PTPN1: variants seen among roughly 807,000 people sequenced by gnomAD.
PTPN1 encodes tyrosine-protein phosphatase non-receptor type 1.
PTPN1 carries 12 observed loss-of-function variants against 59.9 expected under a neutral mutation model. The ratio of observed to expected loss-of-function variants is 0.20; its 90% CI spans 0.13 to 0.32. The LOEUF (loss-of-function observed/expected upper bound fraction) is 0.32. Among genes scored for constraint, PTPN1 ranks in the 10% least tolerant of loss-of-function variants. PTPN1 has a pLI of 1.00. For synonymous variants in PTPN1, 178 were observed against 203.6 expected, an observed-to-expected ratio of 0.87 and a Z score of 1.07; for missense variants, 356 against 549.2, an observed-to-expected ratio of 0.65 and a Z score of 3.52.
chr20:50,580,043 G>A (rs759238022), intron 8 of PTPN1, 117 bp downstream of exon 8: 27 of 935,160 alleles, frequency 2.9e-5, no homozygotes, highest in South Asian at 2.5e-4. Flanking sequence ...CAGCGCTTCC[G>A]CATCCTTGGG....
chr20:50,553,827 A>G (rs143795018), intron 1 of PTPN1, among the ~76,000 whole-genome samples: 94 of 152,326 alleles, frequency 6.2e-4, no homozygotes, highest in African/African-American at 2.2e-3. Flanking sequence ...TAAAGAAGAA[A>G]AATACAATAT....
At chr20:50,526,498 T>TG (rs2082576178) in intron 1 of PTPN1, among the ~76,000 whole-genome samples, 1 of 152,006 alleles carries the variant, frequency 6.6e-6, no homozygotes. Context: ...TCAGTGCATT[T>TG]GGGCAGCCCA....
At position 50,582,649 on chromosome 20, in the gene PTPN1, G is replaced by T. The variant is rs187964149; in HGVS notation, c.1285-43G>T. ...TCATGCATGAGGCGACAGCTCTGCA[G>T]GTGCGGGTCTGGGCTCATCTGAACT... On this transcript the variant is annotated intron_variant, in intron 9 of 9. Coordinates refer to ENST00000371621, the MANE Select transcript of PTPN1 (RefSeq NM_002827.4). The surrounding 1 kb of genome is among the most constrained non-coding windows in gnomAD (Gnocchi z 4.2). 223 of 1,610,350 alleles carry T rather than the reference G, an allele frequency of 1.4e-4. No individual in the cohort carries two copies. The African/African-American group carries it at 2.3e-3, about 16-fold the overall frequency.
chr20:50,536,010 T>C (rs1378848619), intron 1 of PTPN1, among the ~76,000 whole-genome samples: 3 of 152,220 alleles, frequency 2.0e-5, no homozygotes, highest in Non-Finnish European at 4.4e-5. Context: ...TTAAAATGTG[T>C]AAGGCTTAGA....
intron 1 of PTPN1, among the ~76,000 whole-genome samples, chr20:50,521,481 C>G (rs758069041): frequency 6.6e-6 from 1 of 152,264 alleles, no homozygotes; most frequent in Non-Finnish European, 1.5e-5. Flanking sequence ...TCTCCTGTGT[C>G]CTGGATTCAG....
At chr20:50,545,994 T>G (rs1324317880) in intron 1 of PTPN1, among the ~76,000 whole-genome samples, 1 of 151,998 alleles carries the variant, frequency 6.6e-6, no homozygotes, top group African/African-American at 2.4e-5. Context: ...GCCCTTATTG[T>G]GCCACTGCAC....
intron 4 of PTPN1, among the ~76,000 whole-genome samples, chr20:50,569,860 C>G (rs1480207006): frequency 1.3e-5 from 2 of 152,268 alleles, no homozygotes; most frequent in Admixed American, 1.3e-4. Context: ...TCAGCAGGGC[C>G]ACAGGCTCCT....
At chr20:50,563,608 G>A (rs1380889463) in intron 2 of PTPN1, among the ~76,000 whole-genome samples, 1 of 152,162 alleles carries the variant, frequency 6.6e-6, no homozygotes, top group Non-Finnish European at 1.5e-5. Context: ...CCTCCATAAT[G>A]AGAAACAGTG....
chr20:50,581,580 C>G (rs2082869095), intron 9 of PTPN1, 120 bp downstream of exon 9: 1 of 1,197,884 alleles, frequency 8.3e-7, no homozygotes, highest in African/African-American at 1.5e-5. Context: ...AGAAACAGAT[C>G]AAAGGTTTTT....
At position 50,568,352 on chromosome 20, in the gene PTPN1, C is replaced by CT. The variant is rs1568792981; in HGVS notation, c.256-28_256-27insT. 5 of 1,590,434 alleles carry CT rather than the reference C, an allele frequency of 3.1e-6. No homozygotes were observed. The South Asian group carries it at 3.3e-5, about 11-fold the overall frequency. The stretch of plus-strand genomic sequence containing the variant: ...CTGTAGCATGTTATGTTTCAGATGT[C>CT]ACATGTTGTGTTATTGTGTCTTTGC... On this transcript the variant is annotated intron_variant, in intron 3 of 9. Transcript: ENST00000371621. This position sits in a 1 kb window ranked among gnomAD's most constrained non-coding sequence, Gnocchi z 5.6.
chr20:50,520,014 CA>C (rs976731877), intron 1 of PTPN1, among the ~76,000 whole-genome samples: 9 of 152,056 alleles, frequency 5.9e-5, no homozygotes, highest in African/African-American at 7.2e-5. Context: ...GGCTACATTT[CA>C]AAAAATATTT....
Position 50,579,787 on chromosome 20 carries a change from C to G in PTPN1, c.949C>G (p.Leu317Val). The G allele has an allele frequency of 6.2e-7, 1 of 1,614,106 alleles. No homozygotes were observed. The highest frequency in any genetic ancestry group is 8.5e-7 in the Non-Finnish European group (1 of 1,180,014). The change falls in exon 8 of 10, where the codon CTG becomes GTG. Residue 317 changes from leucine to valine, a missense_variant. Leu to Val is a conservative substitution (Grantham distance 32). This residue lies in a region of PTPN1 where 100 missense variants were observed against 107.7 expected (regional missense o/e 0.93). Coordinates refer to ENST00000371621, the MANE Select transcript of PTPN1 (RefSeq NM_002827.4). ...PPPPRPPKRI[L>V]EPHNGKCREF... ...ACCTCCCCGGCCACCCAAACGAATCCTGGAGCCACACAATGGGAAATGCAG... is the reference window on the plus strand; with the variant it reads ...ACCTCCCCGGCCACCCAAACGAATCGTGGAGCCACACAATGGGAAATGCAG...
At chr20:50,526,301 G>C (rs2082575260) in intron 1 of PTPN1, among the ~76,000 whole-genome samples, 1 of 151,966 alleles carries the variant, frequency 6.6e-6, no homozygotes, top group South Asian at 2.1e-4. Flanking sequence ...GGCTGGTCTT[G>C]AACTCCTAAA....
At chr20:50,575,188 C>G (rs2082829806) in intron 5 of PTPN1, among the ~76,000 whole-genome samples, 1 of 152,258 alleles carries the variant, frequency 6.6e-6, no homozygotes, top group Non-Finnish European at 1.5e-5. Context: ...AGCACTGCCG[C>G]TGAACGCGCT....
At chr20:50,567,323 A>T (rs56278983) in intron 3 of PTPN1, among the ~76,000 whole-genome samples, 1 of 152,282 alleles carries the variant, frequency 6.6e-6, no homozygotes, top group Non-Finnish European at 1.5e-5. Flanking sequence ...GCTACTTGGG[A>T]GGCTGAGACA....
At chr20:50,518,460 A>G (rs974942116) in intron 1 of PTPN1, among the ~76,000 whole-genome samples, 4 of 152,214 alleles carry the variant, frequency 2.6e-5, no homozygotes, top group Non-Finnish European at 1.5e-5. Flanking sequence ...TCACTTTTCA[A>G]ATAGTCAGGG....
intron 1 of PTPN1, among the ~76,000 whole-genome samples, chr20:50,512,493 A>G (rs371381650): frequency 6.6e-5 from 10 of 151,882 alleles, no homozygotes; most frequent in East Asian, 1.9e-4. Context: ...TCAGTCTTCA[A>G]TTCATTTCCT....
rs1296161423 is a variant in PTPN1 at position 50,510,511 on chromosome 20, A to G, written c.-17A>G. On this transcript the variant is annotated 5_prime_UTR_variant, in exon 1 of 10. Transcript: ENST00000371621. ...CAGTGGGCCGAGAAGGAGGCGCAGC[A>G]GCCGCCCTGGCCCGTCATGGAGATG... 6.5e-7 allele frequency: 1 copy of G among 1,549,098 alleles called. No homozygotes were observed. Among genetic ancestry groups the G allele is most frequent in the Non-Finnish European group, 8.7e-7 (1 of 1,145,898 alleles).
chr20:50,580,893 C>T (rs537365088), intron 8 of PTPN1, among the ~76,000 whole-genome samples: 2 of 152,176 alleles, frequency 1.3e-5, no homozygotes, highest in Admixed American at 1.3e-4. Context: ...TCTGGGTGTA[C>T]TGATGTGGCC....
Sources: allele counts gnomAD v4.1 joint callset (sites outside exome capture counted in the v4.1 genomes callset), GRCh38; gene constraint gnomAD v4.1.1; regional missense constraint gnomAD v4.1.1; non-coding constraint Gnocchi (gnomAD v3.1); transcripts MANE v1.5; gene names NCBI Gene and HGNC (gene_info 2026-07-23, HGNC 2026-07-21).